SPOCK1: variants seen among roughly 807,000 people sequenced by gnomAD.
SPOCK1 encodes testican-1.
A neutral mutation model predicts 55.3 loss-of-function variants in SPOCK1; 23 were observed. That is an observed-to-expected ratio of 0.42 (90% CI 0.30 to 0.59). The LOEUF (loss-of-function observed/expected upper bound fraction) is 0.59, where lower values mean the gene tolerates loss of function less well. SPOCK1 is among the 20% of genes least tolerant of loss of function. SPOCK1 has a pLI of 0.22. For synonymous variants in SPOCK1, 226 were observed against 221.0 expected, an observed-to-expected ratio of 1.02 and a Z score of -0.20; for missense variants, 499 against 552.5, an observed-to-expected ratio of 0.90 and a Z score of 0.97.
chr5:137,182,928 A>T (rs895818277), intron 3 of SPOCK1, among the ~76,000 whole-genome samples: 1 of 152,182 alleles, frequency 6.6e-6, no homozygotes, highest in Non-Finnish European at 1.5e-5. Flanking sequence ...TGGATGGGTT[A>T]GTGCAGAGCC....
intron 2 of SPOCK1, among the ~76,000 whole-genome samples, chr5:137,284,850 A>G (rs1465564195): frequency 1.3e-5 from 2 of 152,178 alleles, no homozygotes; most frequent in African/African-American, 4.8e-5. Context: ...TCTGGGAACT[A>G]CAAGATGAGG....
intron 2 of SPOCK1, among the ~76,000 whole-genome samples, chr5:137,428,970 CAAG>C (rs1752689979): frequency 6.6e-6 from 1 of 152,324 alleles, no homozygotes; most frequent in African/African-American, 2.4e-5. Flanking sequence ...TTTCATCCTG[CAAG>C]AAGAATGATC....
At chr5:137,309,189 C>T (rs978226359) in intron 2 of SPOCK1, among the ~76,000 whole-genome samples, 20 of 152,198 alleles carry the variant, frequency 1.3e-4, no homozygotes, top group African/African-American at 4.8e-4. Context: ...TCATTGCCAT[C>T]TTTCTTTCTC....
At chr5:137,432,562 A>G (rs1291604832) in intron 2 of SPOCK1, among the ~76,000 whole-genome samples, 2 of 152,198 alleles carry the variant, frequency 1.3e-5, no homozygotes, top group East Asian at 3.9e-4. Context: ...AGAGTAGTCA[A>G]ACTATTCACA....
At chr5:137,402,180 C>T (rs1210835533) in intron 2 of SPOCK1, among the ~76,000 whole-genome samples, 3 of 151,978 alleles carry the variant, frequency 2.0e-5, no homozygotes, top group Non-Finnish European at 4.4e-5. Context: ...GAAAATAGGC[C>T]CATTTATTTC....
At chr5:137,066,757 C>A (rs924656575) in intron 6 of SPOCK1, among the ~76,000 whole-genome samples, 4 of 152,104 alleles carry the variant, frequency 2.6e-5, no homozygotes, top group Admixed American at 2.6e-4. Flanking sequence ...TTTACAACGT[C>A]CTTCCACATC....
chr5:137,000,770 A>G lies in SPOCK1; in HGVS notation c.590-8170T>C, dbSNP rs542542355. Reference sequence around the variant, plus strand: ...AGAGAAAGTAGGCTCTGGGCTGGGCATGGTGGCTCATGCCTGTAATCCCAG... The same window carrying G: ...AGAGAAAGTAGGCTCTGGGCTGGGCGTGGTGGCTCATGCCTGTAATCCCAG... On this transcript the variant is annotated intron_variant, in intron 6 of 10. Coordinates refer to ENST00000394945, the MANE Select transcript of SPOCK1 (RefSeq NM_004598.4). Among the ~76,000 whole-genome samples the G allele has an allele frequency of 3.9e-5, 6 of 152,278 alleles. No homozygotes were observed. The East Asian group carries it at 9.7e-4, about 25-fold the overall frequency.
At chr5:137,141,292 C>T (rs762953692) in intron 3 of SPOCK1, among the ~76,000 whole-genome samples, 11 of 152,210 alleles carry the variant, frequency 7.2e-5, no homozygotes, top group Admixed American at 1.3e-4. Flanking sequence ...TTTAGAATCT[C>T]ACATGATCCA....
chr5:137,200,660 T>C (rs1318051582), intron 3 of SPOCK1, among the ~76,000 whole-genome samples: 1 of 152,204 alleles, frequency 6.6e-6, no homozygotes, highest in African/African-American at 2.4e-5. Context: ...TTTTTTTATT[T>C]CCATTTTTTA....
intron 6 of SPOCK1, among the ~76,000 whole-genome samples, chr5:137,067,422 G>T (rs555755685): frequency 3.9e-5 from 6 of 152,284 alleles, no homozygotes; most frequent in African/African-American, 1.4e-4. Flanking sequence ...CCCAGGGCAG[G>T]TCCGGTCTTA....
intron 2 of SPOCK1, among the ~76,000 whole-genome samples, chr5:137,333,179 C>A (rs1403885894): frequency 6.6e-6 from 1 of 152,178 alleles, no homozygotes; most frequent in Non-Finnish European, 1.5e-5. Flanking sequence ...GGCAAAAGGG[C>A]CTAAGTGTAC....
intron 2 of SPOCK1, among the ~76,000 whole-genome samples, chr5:137,385,641 G>A (rs569793040): frequency 1.9e-4 from 29 of 152,302 alleles, no homozygotes; most frequent in African/African-American, 6.0e-4. Flanking sequence ...CCACACTCCT[G>A]CACAGACTTC....
At chr5:137,395,401 T>C (rs1751822801) in intron 2 of SPOCK1, among the ~76,000 whole-genome samples, 1 of 152,206 alleles carries the variant, frequency 6.6e-6, no homozygotes, top group Non-Finnish European at 1.5e-5. Flanking sequence ...GGAATAAAAG[T>C]GCAGTCTTGA....
intron 2 of SPOCK1, among the ~76,000 whole-genome samples, chr5:137,339,588 T>A (rs1750368800): frequency 6.6e-6 from 1 of 152,002 alleles, no homozygotes; most frequent in Admixed American, 6.6e-5. Flanking sequence ...ACCAGAACTA[T>A]CTCTTGAGTT....
At chr5:137,085,976 G>A (rs1048833996) in intron 5 of SPOCK1, among the ~76,000 whole-genome samples, 7 of 152,074 alleles carry the variant, frequency 4.6e-5, no homozygotes, top group Non-Finnish European at 7.4e-5. Context: ...TTGAGTCCTC[G>A]TTCTCCCATC....
chr5:137,112,482 G>C lies in SPOCK1; in HGVS notation c.427C>G (p.Gln143Glu), dbSNP rs1238151531. The C allele has an allele frequency of 6.2e-7, 1 of 1,613,964 alleles. No homozygotes were observed. Among genetic ancestry groups the C allele is most frequent in the South Asian group, 1.1e-5 (1 of 91,074 alleles). Residue 143 changes from glutamine to glutamate, a missense_variant, in exon 5 of 11, where the codon CAG becomes GAG. By Grantham distance (29) the Gln-to-Glu change is conservative (BLOSUM62 2). Around this residue, in one of 3 missense-constraint regions of SPOCK1, gnomAD observed 386 missense variants for 400.6 expected, o/e 0.96. Coordinates refer to ENST00000394945, the MANE Select transcript of SPOCK1 (RefSeq NM_004598.4). Reference protein sequence around the residue: ...LVKCKPCPVAQSAMVCGSDGH... With the variant: ...LVKCKPCPVAESAMVCGSDGH... ...TCTGAGCCGCAGACCATGGCTGACT[G>C]TGCCACGGGACAGGGCTTGCACTTG...
chr5:137,222,272 G>A (rs1013927148), intron 3 of SPOCK1, among the ~76,000 whole-genome samples: 9 of 152,144 alleles, frequency 5.9e-5, no homozygotes, highest in African/African-American at 2.2e-4. Context: ...GAGTAGGTGG[G>A]GGGAACCTCT....
At chr5:137,284,847 A>AGCATC (rs1427357604) in intron 2 of SPOCK1, among the ~76,000 whole-genome samples, 1 of 152,138 alleles carries the variant, frequency 6.6e-6, no homozygotes, top group African/African-American at 2.4e-5. Flanking sequence ...AGCTCTGGGA[A>AGCATC]CTACAAGATG....
chr5:137,099,642 G>A (rs1163368905), intron 5 of SPOCK1, among the ~76,000 whole-genome samples: 1 of 149,346 alleles, frequency 6.7e-6, no homozygotes, highest in East Asian at 2.1e-4. Context: ...ATATGTACAT[G>A]TGTGTGTATG....
Sources: gnomAD v4.1 joint callset for allele counts (sites outside exome capture counted in the v4.1 genomes callset) on GRCh38, gnomAD v4.1.1 for gene constraint, gnomAD v4.1.1 regional missense constraint, MANE v1.5 for transcripts, NCBI Gene and HGNC (gene_info 2026-07-23, HGNC 2026-07-21) for gene names.